Variants in CNTN4 observed in about 807,000 individuals in gnomAD.
CNTN4 encodes the protein contactin 4, also known as contactin-4.
CNTN4 carries 77 observed loss-of-function variants against 122.5 expected under a neutral mutation model. That is an observed-to-expected ratio of 0.63 (90% confidence interval 0.52 to 0.76). The LOEUF is 0.76. CNTN4 is among the 30% of genes least tolerant of loss of function. The probability of loss-of-function intolerance (pLI) is 0.00; values close to 1 mark genes in which losing one functional copy is unlikely to be tolerated. For synonymous variants in CNTN4, 512 were observed against 447.0 expected (o/e 1.15, Z -1.83); for missense variants, 1,256 against 1,259.1 (o/e 1.00, Z 0.04).
intron 3 of CNTN4, among the ~76,000 whole-genome samples, chr3:2,508,678 C>G (rs540203048): frequency 3.3e-5 from 5 of 152,270 alleles, no homozygotes; most frequent in Admixed American, 6.5e-5. Flanking sequence ...AATACCAAGT[C>G]TAAAACAATC....
intron 2 of CNTN4, among the ~76,000 whole-genome samples, chr3:2,135,622 G>C (rs151135275): frequency 2.6e-5 from 4 of 151,766 alleles, no homozygotes; most frequent in Non-Finnish European, 5.9e-5. Context: ...GCTAAAGTGT[G>C]GGGGCAGAGC....
At chr3:2,987,911 T>G (rs1322865260) in intron 13 of CNTN4, among the ~76,000 whole-genome samples, 1 of 152,208 alleles carries the variant, frequency 6.6e-6, no homozygotes, top group Non-Finnish European at 1.5e-5. Flanking sequence ...CTCATTTAAT[T>G]TAAGGCTCTC....
intron 2 of CNTN4, among the ~76,000 whole-genome samples, chr3:2,130,136 T>C (rs546935892): frequency 2.6e-5 from 4 of 152,214 alleles, no homozygotes; most frequent in Non-Finnish European, 5.9e-5. Context: ...ATTATAATTC[T>C]TATTTTTATT....
chr3:2,503,344 C>T (rs989579533), intron 3 of CNTN4, among the ~76,000 whole-genome samples: 22 of 152,246 alleles, frequency 1.4e-4, no homozygotes, highest in African/African-American at 4.8e-4. Context: ...AGGAGATACA[C>T]AGTTGCTCAC....
At chr3:2,739,998 T>C (rs1377693585) in intron 5 of CNTN4, among the ~76,000 whole-genome samples, 1 of 152,212 alleles carries the variant, frequency 6.6e-6, no homozygotes, top group Admixed American at 6.5e-5. Context: ...AAGGTGAAAG[T>C]GGTCGTCTTG....
At chr3:2,949,040 C>T (rs745449905) in intron 13 of CNTN4, among the ~76,000 whole-genome samples, 13 of 152,108 alleles carry the variant, frequency 8.5e-5, no homozygotes, top group Non-Finnish European at 1.3e-4. Flanking sequence ...CTACTTATCT[C>T]TCTGACCATA....
intron 7 of CNTN4, among the ~76,000 whole-genome samples, chr3:2,821,170 T>G (rs6772022): frequency 6.6e-6 from 1 of 151,614 alleles, no homozygotes; most frequent in African/African-American, 2.4e-5. Flanking sequence ...TTGACCAGGC[T>G]GGTCTCAAAC....
At chr3:2,677,553 G>C (rs914694431) in intron 4 of CNTN4, among the ~76,000 whole-genome samples, 56 of 147,168 alleles carry the variant, frequency 3.8e-4, no homozygotes, top group African/African-American at 1.4e-3. Flanking sequence ...ACTTACGACT[G>C]GTTTATCTTA....
chr3:2,102,196 T>C lies in CNTN4; in HGVS notation c.-145+1557T>C, dbSNP rs2032034817. On this transcript the variant is annotated intron_variant, in intron 2 of 24. Transcript: ENST00000418658. ...AATCCAAGGAGTAAATGAGGGAGGA[T>C]TGGAAGGACACTTTCCACATTGCAG... Among the ~76,000 whole-genome samples the C allele has an allele frequency of 1.3e-5, 2 of 152,130 alleles. 1 individual carries two copies. The highest frequency in any genetic ancestry group is 4.1e-4 in the South Asian group (2 of 4,822).
chr3:2,883,583 A>C (rs1033395815), intron 9 of CNTN4, among the ~76,000 whole-genome samples: 9 of 152,228 alleles, frequency 5.9e-5, no homozygotes, highest in Admixed American at 2.0e-4. Context: ...CACTTGAGGT[A>C]CAGTTAAGCT....
chr3:2,190,754 A>G (rs1450720967), intron 2 of CNTN4, among the ~76,000 whole-genome samples: 4 of 151,318 alleles, frequency 2.6e-5, no homozygotes, highest in Non-Finnish European at 5.9e-5. Context: ...TCTAAATTCA[A>G]CCTTGCAGCA....
At position 2,588,428 on chromosome 3, in the gene CNTN4, G is replaced by A. The variant is rs566159348; in HGVS notation, c.55+16870G>A. Among the ~76,000 whole-genome samples, 269 of 152,174 alleles carry A rather than the reference G, an allele frequency of 1.8e-3. 2 individuals carry two copies. The highest frequency in any genetic ancestry group is 6.3e-3 in the African/African-American group (261 of 41,512). On this transcript the variant is annotated intron_variant, in intron 4 of 24. Transcript: ENST00000418658. ...ATTGTCTGGGCTGGAGTGCAGTGGT[G>A]TGATCTCGGCTCACTGCAACCTCTG...
intron 14 of CNTN4, among the ~76,000 whole-genome samples, chr3:3,024,881 G>A (rs28576908): frequency 0.086 from 13,157 of 152,192 alleles, 664 homozygotes; most frequent in Admixed American, 0.11. Flanking sequence ...AAATATTTAT[G>A]TACCTCACAG....
intron 4 of CNTN4, among the ~76,000 whole-genome samples, chr3:2,710,404 T>C (rs2087067069): frequency 6.6e-6 from 1 of 152,218 alleles, no homozygotes. Flanking sequence ...TGTTGTATTT[T>C]AATAGTGACA....
chr3:2,596,121 C>T (rs1433559467), intron 4 of CNTN4, among the ~76,000 whole-genome samples: 1 of 152,150 alleles, frequency 6.6e-6, no homozygotes, highest in Non-Finnish European at 1.5e-5. Flanking sequence ...TATGCTTCAA[C>T]ATTAATCTCA....
intron 2 of CNTN4, among the ~76,000 whole-genome samples, chr3:2,147,072 G>A (rs1030139539): frequency 2.0e-5 from 3 of 151,886 alleles, no homozygotes; most frequent in African/African-American, 4.8e-5. Flanking sequence ...GTAGAGATGG[G>A]GTTTCATCAT....
At chr3:2,461,950 G>T (rs1277321022) in intron 3 of CNTN4, among the ~76,000 whole-genome samples, 2 of 152,146 alleles carry the variant, frequency 1.3e-5, no homozygotes, top group Non-Finnish European at 2.9e-5. Flanking sequence ...TCAAAGAGAA[G>T]AAGCTTTCTT....
chr3:2,724,938 G>T (rs551145195), intron 4 of CNTN4, among the ~76,000 whole-genome samples: 2 of 151,906 alleles, frequency 1.3e-5, no homozygotes, highest in South Asian at 4.1e-4. Context: ...GGAAAGAAAC[G>T]GTGGTTTCTC....
chr3:2,101,254 C>T (rs1031079793), intron 2 of CNTN4, among the ~76,000 whole-genome samples: 4 of 152,122 alleles, frequency 2.6e-5, no homozygotes, highest in Non-Finnish European at 5.9e-5. Flanking sequence ...AATCTTTTGG[C>T]TGCAGTTTTT....
Sources: gnomAD v4.1 joint callset for allele counts (sites outside exome capture counted in the v4.1 genomes callset) on GRCh38, gnomAD v4.1.1 for gene constraint, MANE v1.5 for transcripts, NCBI Gene and HGNC (gene_info 2026-07-23, HGNC 2026-07-21) for gene names.